Variants in RBL1 observed in about 807,000 individuals in gnomAD.
RBL1 encodes retinoblastoma-like protein 1.
A neutral mutation model predicts 123.0 loss-of-function variants in RBL1; 82 were observed. The ratio of observed to expected loss-of-function variants is 0.67; its 90% CI spans 0.56 to 0.80. The LOEUF (loss-of-function observed/expected upper bound fraction) is 0.80, where lower values mean the gene tolerates loss of function less well. Among genes scored for constraint, RBL1 ranks in the 30% least tolerant of loss-of-function variants. The pLI, the probability that RBL1 is intolerant of heterozygous loss-of-function variation, is 0.00. For synonymous variants in RBL1, 405 were observed against 441.3 expected, an observed-to-expected ratio of 0.92 and a Z score of 1.03; for missense variants, 1,171 against 1,299.6, an observed-to-expected ratio of 0.90 and a Z score of 1.52.
chr20:37,060,331 AAATAAAAAT>A (rs2065073337), intron 9 of RBL1, among the ~76,000 whole-genome samples: 1 of 152,140 alleles, frequency 6.6e-6, no homozygotes, highest in Non-Finnish European at 1.5e-5. Context: ...AAACAAACAA[AAATAAAAAT>A]AAATTAAAAA....
chr20:37,073,189 A>C (rs541340001), intron 2 of RBL1, among the ~76,000 whole-genome samples: 31 of 152,222 alleles, frequency 2.0e-4, no homozygotes, highest in Non-Finnish European at 2.5e-4. Context: ...TGCTTTTTAT[A>C]AACAAGAGCC....
At chr20:37,064,872 C>T (rs112018258) in intron 7 of RBL1, among the ~76,000 whole-genome samples, 61 of 151,874 alleles carry the variant, frequency 4.0e-4, no homozygotes, top group African/African-American at 1.3e-3. Context: ...GTGATCGGCC[C>T]GCCTTGGCCT....
chr20:37,031,073 G>A (rs571642881), intron 16 of RBL1, among the ~76,000 whole-genome samples: 120 of 151,952 alleles, frequency 7.9e-4, no homozygotes, highest in Non-Finnish European at 1.5e-3. Flanking sequence ...ATAAATATAA[G>A]AGCTAAAAAC....
intron 19 of RBL1, among the ~76,000 whole-genome samples, chr20:37,008,885 G>A (rs1486629856): frequency 6.6e-6 from 1 of 152,142 alleles, no homozygotes; most frequent in East Asian, 1.9e-4. Flanking sequence ...AGGAAATGCT[G>A]TATATTATAT....
chr20:37,007,668 C>T, intron 19 of RBL1, 109 bp from the exon 20 acceptor site: 1 of 1,086,988 alleles, frequency 9.2e-7, no homozygotes, highest in Non-Finnish European at 1.3e-6. Flanking sequence ...TCTTGGCTCA[C>T]TGCAGCCCTG....
chr20:36,999,497 C>T (rs1292351642), intron 21 of RBL1, among the ~76,000 whole-genome samples: 2 of 150,176 alleles, frequency 1.3e-5, no homozygotes, highest in African/African-American at 2.5e-5. Flanking sequence ...CCTCTCCCCA[C>T]GGTCTCCCTC....
In RBL1 at chr20:37,012,078, C is replaced by T. The variant is rs77935586; in HGVS notation, c.2723-4519G>A. On this transcript the variant is annotated intron_variant, in intron 19 of 21. Transcript: ENST00000373664. The stretch of plus-strand genomic sequence containing the variant: ...CGGGGTTTCGCTGTGTTGGCTGGGC[C>T]GGTCTCCAGCTCCTAACCGCGAGTG... Among the ~76,000 whole-genome samples, 36 of 152,344 alleles carry T rather than the reference C, an allele frequency of 2.4e-4. No individual in the cohort carries two copies. The East Asian group carries it at 5.2e-3, about 22-fold the overall frequency.
chr20:37,068,953 A>G (rs929540408), intron 2 of RBL1, among the ~76,000 whole-genome samples: 30 of 152,268 alleles, frequency 2.0e-4, no homozygotes, highest in Non-Finnish European at 3.8e-4. Context: ...TCCCTGCCTG[A>G]TTCTCCTGAC....
chr20:37,032,752 C>T lies in RBL1; in HGVS notation c.2295G>A (p.Gln765=), dbSNP rs139292363. The change falls in exon 16 of 22, where the codon CAG becomes CAA. Residue 765 remains glutamine, a synonymous_variant. Coordinates refer to ENST00000373664, the MANE Select transcript of RBL1 (RefSeq NM_002895.5). ...CCTCTTGTGCTTTAGTCAGATTGGT[C>T]TGTTTTGGAGAAGCACCAATTAATG... ...AHSLIGASPK[Q]TNLTKAQEVH... The T allele has an allele frequency of 1.5e-3, 2,428 of 1,614,044 alleles. 7 individuals carry two copies. The highest frequency in any genetic ancestry group is 1.7e-3 in the Non-Finnish European group (2,013 of 1,179,988).
At chr20:37,001,503 G>A (rs1279974500) in intron 21 of RBL1, among the ~76,000 whole-genome samples, 5 of 151,642 alleles carry the variant, frequency 3.3e-5, no homozygotes, top group Non-Finnish European at 4.4e-5. Flanking sequence ...TGTCCACTCA[G>A]GGTTGAATGG....
intron 2 of RBL1, among the ~76,000 whole-genome samples, chr20:37,079,337 A>G (rs989580904): frequency 1.3e-5 from 2 of 152,144 alleles, no homozygotes; most frequent in South Asian, 2.1e-4. Context: ...TGTTTAGCCA[A>G]TCTTTTATTT....
chr20:37,095,861 G>T lies in RBL1; in HGVS notation c.68C>A (p.Ala23Asp). The change falls in exon 1 of 22, where the codon GCC (alanine) becomes GAC (aspartate). Residue 23 changes from alanine to aspartate, a missense_variant. Physicochemically the swap from Ala to Asp is moderately radical, Grantham distance 126. Coordinates refer to ENST00000373664, the MANE Select transcript of RBL1 (RefSeq NM_002895.5). Reference protein sequence around the residue: ...VVAAAGEALQALCQELNLDEG... With the variant: ...VVAAAGEALQDLCQELNLDEG... The stretch of plus-strand genomic sequence containing the variant: ...GTCCAGGTTCAGCTCCTGGCACAGG[G>T]CCTGTAGCGCCTCCCCGGCTGCGGC... The T allele has an allele frequency of 6.2e-7, 1 of 1,606,720 alleles. No individual in the cohort carries two copies. The highest frequency in any genetic ancestry group is 8.5e-7 in the Non-Finnish European group (1 of 1,177,380).
At chr20:37,012,249 C>G (rs2064162962) in intron 19 of RBL1, among the ~76,000 whole-genome samples, 1 of 152,224 alleles carries the variant, frequency 6.6e-6, no homozygotes, top group African/African-American at 2.4e-5. Flanking sequence ...CTTGGCCTCC[C>G]AAAGTGCCGA....
intron 2 of RBL1, among the ~76,000 whole-genome samples, chr20:37,086,703 G>A (rs1431534186): frequency 6.6e-6 from 1 of 152,082 alleles, no homozygotes; most frequent in Non-Finnish European, 1.5e-5. Context: ...AAGAATATTA[G>A]CATGAATCCA....
chr20:37,079,637 T>A (rs1166776254), intron 2 of RBL1, among the ~76,000 whole-genome samples: 1 of 151,956 alleles, frequency 6.6e-6, no homozygotes, highest in Non-Finnish European at 1.5e-5. Flanking sequence ...TCACTAACAT[T>A]CTTTGTAAAA....
chr20:37,012,720 C>T (rs1396373232), intron 19 of RBL1, among the ~76,000 whole-genome samples: 3 of 151,564 alleles, frequency 2.0e-5, no homozygotes, highest in Non-Finnish European at 4.4e-5. Context: ...AGGCCAGCCG[C>T]CCCGTCCGGG....
At chr20:37,028,225 T>C (rs2064455214) in intron 16 of RBL1, among the ~76,000 whole-genome samples, 1 of 152,000 alleles carries the variant, frequency 6.6e-6, no homozygotes. Flanking sequence ...ATTAGCCAGG[T>C]GTGGTGGTGG....
At chr20:37,001,570 G>T (rs1406838930) in intron 21 of RBL1, among the ~76,000 whole-genome samples, 1 of 150,974 alleles carries the variant, frequency 6.6e-6, no homozygotes, top group Non-Finnish European at 1.5e-5. Context: ...CAGCATGCTC[G>T]TTAAGAGTCA....
intron 21 of RBL1, among the ~76,000 whole-genome samples, chr20:37,001,161 G>A (rs1054417705): frequency 1.3e-5 from 2 of 149,494 alleles, no homozygotes; most frequent in Non-Finnish European, 1.5e-5. Flanking sequence ...CGCCCCGTCC[G>A]GGAGGTGAGG....
Sources: gnomAD v4.1 joint callset for allele counts (sites outside exome capture counted in the v4.1 genomes callset) on GRCh38, gnomAD v4.1.1 for gene constraint, MANE v1.5 for transcripts, NCBI Gene and HGNC (gene_info 2026-07-23, HGNC 2026-07-21) for gene names.